Variants in SAFB2 observed in about 807,000 individuals in gnomAD.
SAFB2 encodes the protein scaffold attachment factor B2.
A neutral mutation model predicts 100.6 loss-of-function variants in SAFB2; 32 were observed. The ratio of observed to expected loss-of-function variants is 0.32; its 90% confidence interval spans 0.24 to 0.43. The LOEUF (loss-of-function observed/expected upper bound fraction) is 0.43, where lower values mean the gene tolerates loss of function less well. Among genes scored for constraint, SAFB2 ranks in the 20% least tolerant of loss-of-function variants. The pLI, the probability that SAFB2 is intolerant of heterozygous loss-of-function variation, is 1.00. For missense variants in SAFB2, 1,185 were observed against 1,163.4 expected, an observed-to-expected ratio of 1.02 and a Z score of -0.27; for synonymous variants, 500 against 439.4, an observed-to-expected ratio of 1.14 and a Z score of -1.72.
At chr19:5,591,854 CAGGCAAGTTT>C in intron 16 of SAFB2, 61 bp from the exon 17 acceptor site, 1 of 1,564,442 alleles carries the variant, frequency 6.4e-7, no homozygotes, top group Non-Finnish European at 8.8e-7. Flanking sequence ...TTCTGCAGGT[CAGGCAAGTTT>C]CGCGACTGGG....
chr19:5,622,315 A>T (rs1297504176), intron 1 of SAFB2, among the ~76,000 whole-genome samples: 3 of 152,132 alleles, frequency 2.0e-5, no homozygotes, highest in Non-Finnish European at 4.4e-5. Flanking sequence ...CTTGAGGAGA[A>T]AAGGTGGAAA....
chr19:5,622,076 G>C (rs1005500214), intron 1 of SAFB2, among the ~76,000 whole-genome samples: 1 of 152,230 alleles, frequency 6.6e-6, no homozygotes, highest in Admixed American at 6.5e-5. Flanking sequence ...AGATCTGGGG[G>C]ACCCGGGTGG....
intron 2 of SAFB2, among the ~76,000 whole-genome samples, chr19:5,618,871 T>A (rs1024479451): frequency 2.0e-5 from 3 of 152,204 alleles, no homozygotes; most frequent in African/African-American, 7.2e-5. Context: ...TAATCCCACA[T>A]GGCATCTAAA....
intron 18 of SAFB2, among the ~76,000 whole-genome samples, chr19:5,589,373 G>C (rs758743458): frequency 5.3e-5 from 8 of 152,126 alleles, no homozygotes; most frequent in African/African-American, 1.7e-4. Flanking sequence ...TGGGACACTC[G>C]GCACAGCACC....
At chr19:5,612,926 C>T (rs1369460464) in intron 5 of SAFB2, among the ~76,000 whole-genome samples, 2 of 152,200 alleles carry the variant, frequency 1.3e-5, no homozygotes, top group Admixed American at 1.3e-4. Context: ...AATACTTCTC[C>T]CAACATAAAC....
chr19:5,599,015 G>A (rs1386090165), intron 12 of SAFB2, 131 bp from the exon 13 acceptor site: 1 of 748,572 alleles, frequency 1.3e-6, no homozygotes. Flanking sequence ...CTAGCCTTGG[G>A]AGCCTCTAAT....
chr19:5,598,332 A>C (rs1008726056), intron 13 of SAFB2, among the ~76,000 whole-genome samples: 2 of 152,198 alleles, frequency 1.3e-5, no homozygotes, highest in African/African-American at 4.8e-5. Context: ...AGTTGTGTGC[A>C]CAACTCGAGA....
chr19:5,604,125 G>A (rs1012579274), intron 11 of SAFB2, among the ~76,000 whole-genome samples: 3 of 152,210 alleles, frequency 2.0e-5, no homozygotes, highest in East Asian at 1.9e-4. Flanking sequence ...GAAAGCTGAA[G>A]ACTGGCAGGG....
At chr19:5,613,646 G>C in intron 4 of SAFB2, 119 bp from the exon 5 acceptor site, 1 of 1,502,574 alleles carries the variant, frequency 6.7e-7, no homozygotes, top group Non-Finnish European at 8.9e-7. Context: ...CCATCTGCAA[G>C]TCTACTGTTG....
intron 6 of SAFB2, 187 bp downstream of exon 6, chr19:5,612,353 A>G: frequency 1.6e-6 from 1 of 625,108 alleles, no homozygotes; most frequent in Non-Finnish European, 2.8e-6. Flanking sequence ...GACCTCAAGA[A>G]GCCAGAATGG....
At position 5,594,188 on chromosome 19, in the gene SAFB2, C is replaced by A; in HGVS notation, c.1920-10G>T. On this transcript the variant is annotated splice_polypyrimidine_tract_variant and intron_variant, in intron 14 of 20. Coordinates refer to ENST00000252542, the MANE Select transcript of SAFB2 (RefSeq NM_014649.3). ...CCGCTGCTCGCGCTCCCTGCGGGGA[C>A]AGGTGAGGCTGCCCTGAACTCCCTG... 1 of 1,579,074 alleles carries A rather than the reference C, an allele frequency of 6.3e-7. No individual in the cohort carries two copies. The highest frequency in any genetic ancestry group is 1.1e-5 in the South Asian group (1 of 87,720).
chr19:5,618,567 G>C (rs1409756944), intron 2 of SAFB2, among the ~76,000 whole-genome samples: 1 of 152,232 alleles, frequency 6.6e-6, no homozygotes, highest in Non-Finnish European at 1.5e-5. Flanking sequence ...ATTTGGTTGA[G>C]CTCCAAAGCT....
chr19:5,608,042 G>C (rs1309066309), intron 9 of SAFB2, among the ~76,000 whole-genome samples: 1 of 152,242 alleles, frequency 6.6e-6, no homozygotes, highest in Non-Finnish European at 1.5e-5. Context: ...TACTAAGCTT[G>C]TATGTCCCTA....
In SAFB2 at chr19:5,587,603, A is replaced by G. The variant is rs2052284904; in HGVS notation, c.2705+98T>C. 3 of 1,462,962 alleles carry G rather than the reference A, an allele frequency of 2.1e-6. No individual in the cohort carries two copies. The highest frequency in any genetic ancestry group is 2.5e-5 in the East Asian group (1 of 40,066). The allele number at this position is 1,462,962 out of a possible 1,614,324, so 90.6% of individuals were successfully genotyped here. ...AAGAGCTGCTTTTTGCTTTGTTTTC[A>G]TAACATCCAACCCAGCCAGCTGATC... On this transcript the variant is annotated intron_variant, in intron 20 of 20. Coordinates refer to ENST00000252542, the MANE Select transcript of SAFB2 (RefSeq NM_014649.3). The surrounding 1 kb of genome is among the most constrained non-coding windows in gnomAD (Gnocchi z 4.9).
chr19:5,599,157 A>G (rs143059447), intron 12 of SAFB2, among the ~76,000 whole-genome samples: 173 of 152,254 alleles, frequency 1.1e-3, no homozygotes, highest in South Asian at 3.3e-3. Context: ...AAGCACGGCC[A>G]TCCTGCAGAG....
rs761116832 is a variant in SAFB2, at chr19:5,616,464, G to C, written c.297C>G (p.Gly99=). 1 of 1,613,716 alleles carries C rather than the reference G, an allele frequency of 6.2e-7. No individual in the cohort carries two copies. Among genetic ancestry groups the C allele is most frequent in the Admixed American group, 1.7e-5 (1 of 59,954 alleles). ...CVKGLKMEEE[G]TEDNGLEDDS... ...CGTCTTCCAGGCCATTATCTTCTGTGCCTTCCTCCTCCATCTTCAGTCCTA... is the reference window on the plus strand; with the variant it reads ...CGTCTTCCAGGCCATTATCTTCTGTCCCTTCCTCCTCCATCTTCAGTCCTA... Residue 99 remains glycine, a synonymous_variant, in exon 3 of 21, where the codon GGC becomes GGG. Transcript: ENST00000252542.
intron 11 of SAFB2, among the ~76,000 whole-genome samples, chr19:5,601,746 G>C (rs538432334): frequency 4.6e-5 from 5 of 108,078 alleles, no homozygotes; most frequent in African/African-American, 7.1e-5. Flanking sequence ...AAATAAATAA[G>C]AAGGACCTTT....
rs753389500 is a variant in SAFB2 at position 5,622,760 on chromosome 19, G to A, written c.-45C>T. ...CCACCGACTCAGTCGCACACCGCCG[G>A]CAGCTATAGCGGCTCTGAACACAAA... On this transcript the variant is annotated 5_prime_UTR_variant, in exon 1 of 21. Coordinates refer to ENST00000252542, the MANE Select transcript of SAFB2 (RefSeq NM_014649.3). The A allele has an allele frequency of 1.9e-6, 3 of 1,556,252 alleles. No homozygotes were observed. Among genetic ancestry groups the A allele is most frequent in the Non-Finnish European group, 1.7e-6 (2 of 1,155,548 alleles).
At chr19:5,598,689 CAATTTT>C in intron 13 of SAFB2, 98 bp downstream of exon 13, 1 of 1,077,784 alleles carries the variant, frequency 9.3e-7, no homozygotes, top group Non-Finnish European at 1.4e-6. Flanking sequence ...CTACAAACTT[CAATTTT>C]AAAGGCAAAA....
Sources: gnomAD v4.1 joint callset for allele counts (sites outside exome capture counted in the v4.1 genomes callset) on GRCh38, gnomAD v4.1.1 for gene constraint, Gnocchi (gnomAD v3.1) non-coding constraint, MANE v1.5 for transcripts, NCBI Gene and HGNC (gene_info 2026-07-23, HGNC 2026-07-21) for gene names.